Variants in TAFA4 observed in about 807,000 individuals in gnomAD.
TAFA4 encodes the protein TAFA chemokine like family member 4.
In TAFA4, 20 loss-of-function variants were observed where a neutral mutation model predicts 21.1. That is an observed-to-expected ratio of 0.95 (90% CI 0.67 to 1.38). TAFA4 has a LOEUF of 1.38. TAFA4 is among the 40% of genes most tolerant of loss of function. The probability of loss-of-function intolerance (pLI) is 0.00; values close to 1 mark genes in which losing one functional copy is unlikely to be tolerated. For synonymous variants in TAFA4, 71 were observed against 67.4 expected, an observed-to-expected ratio of 1.05 and a Z score of -0.26; for missense variants, 211 against 180.9, an observed-to-expected ratio of 1.17 and a Z score of -0.95.
At chr3:68,747,179 T>G (rs900400876) in intron 4 of TAFA4, among the ~76,000 whole-genome samples, 1 of 152,196 alleles carries the variant, frequency 6.6e-6, no homozygotes, top group Non-Finnish European at 1.5e-5. Context: ...ATTTTATGTC[T>G]TCCTTCCTGC....
chr3:68,747,055 A>T (rs924645565), intron 4 of TAFA4, among the ~76,000 whole-genome samples: 1 of 152,192 alleles, frequency 6.6e-6, no homozygotes, highest in African/African-American at 2.4e-5. Flanking sequence ...AAACTGATCT[A>T]CAGTTTGAAG....
intron 3 of TAFA4, among the ~76,000 whole-genome samples, chr3:68,789,806 C>T (rs1703329809): frequency 6.6e-6 from 1 of 152,106 alleles, no homozygotes; most frequent in African/African-American, 2.4e-5. Flanking sequence ...CATCAGAAAA[C>T]AAAAGAAATG....
At chr3:68,841,623 G>A (rs1032042349) in intron 3 of TAFA4, among the ~76,000 whole-genome samples, 9 of 151,924 alleles carry the variant, frequency 5.9e-5, no homozygotes, top group African/African-American at 1.9e-4. Flanking sequence ...AGGTTTACAC[G>A]TGCCATGGTG....
intron 3 of TAFA4, among the ~76,000 whole-genome samples, chr3:68,812,573 A>G (rs1465902364): frequency 1.3e-5 from 2 of 152,236 alleles, no homozygotes; most frequent in Non-Finnish European, 2.9e-5. Context: ...AAGAAGAGAC[A>G]AAGAAGGCCA....
chr3:68,879,829 C>T (rs1403068090), intron 3 of TAFA4, among the ~76,000 whole-genome samples: 1 of 152,126 alleles, frequency 6.6e-6, no homozygotes, highest in Non-Finnish European at 1.5e-5. Context: ...CCTTTGGAGA[C>T]AGAATTTATA....
At chr3:68,761,667 G>A (rs1702757605) in intron 3 of TAFA4, among the ~76,000 whole-genome samples, 1 of 152,162 alleles carries the variant, frequency 6.6e-6, no homozygotes, top group South Asian at 2.1e-4. Flanking sequence ...TGGATATTTT[G>A]AGCTTATAAT....
At chr3:68,753,337 T>TTTTTTG (rs1702595820) in intron 3 of TAFA4, among the ~76,000 whole-genome samples, 1 of 146,918 alleles carries the variant, frequency 6.8e-6, no homozygotes, top group African/African-American at 2.5e-5. Flanking sequence ...TGATAGAGTT[T>TTTTTTG]TTTTTTTTTT....
At position 68,743,903 on chromosome 3, in the gene TAFA4, T is replaced by C. The variant is rs574616384; in HGVS notation, c.287-4704A>G. ...GGAAGTTCTACATAGAGTTTTACTATACTCATAGTGTTGACCACTCATTCT... is the reference window on the plus strand; with the variant it reads ...GGAAGTTCTACATAGAGTTTTACTACACTCATAGTGTTGACCACTCATTCT... On this transcript the variant is annotated intron_variant, in intron 4 of 5. Coordinates refer to ENST00000295569, the MANE Select transcript of TAFA4 (RefSeq NM_182522.5). 5.4e-4 allele frequency among the ~76,000 whole-genome samples: 82 copies of C among 152,306 alleles called. 2 individuals carry two copies. The highest frequency in any genetic ancestry group is 1.7e-3 in the African/African-American group (72 of 41,568).
Position 68,774,063 on chromosome 3 carries a change from G to C in TAFA4, c.131-21045C>G, listed in dbSNP as rs139272487. On this transcript the variant is annotated intron_variant, in intron 3 of 5. Coordinates refer to ENST00000295569, the MANE Select transcript of TAFA4 (RefSeq NM_182522.5). ...GAGATGAACTACAGCAGTCAAGCTA[G>C]GCCTGGGGGTAGACATTAGAGAGGC... Among the ~76,000 whole-genome samples the C allele has an allele frequency of 8.9e-4, 135 of 152,252 alleles. 2 individuals are homozygous for C. The East Asian group carries it at 0.025, about 28-fold the overall frequency.
intron 1 of TAFA4, among the ~76,000 whole-genome samples, chr3:68,886,572 C>A (rs1294915498): frequency 1.3e-5 from 2 of 152,100 alleles, no homozygotes; most frequent in African/African-American, 2.4e-5. Context: ...ATTTTCTTCA[C>A]ACAAAAGGAA....
chr3:68,776,560 A>G (rs1302588457), intron 3 of TAFA4, among the ~76,000 whole-genome samples: 1 of 152,204 alleles, frequency 6.6e-6, no homozygotes, highest in African/African-American at 2.4e-5. Flanking sequence ...CTACATCCAT[A>G]GTTTGAGATT....
chr3:68,890,066 A>G (rs558827652), intron 1 of TAFA4, among the ~76,000 whole-genome samples: 1 of 152,236 alleles, frequency 6.6e-6, no homozygotes, highest in South Asian at 2.1e-4. Flanking sequence ...AAGAAAATGC[A>G]CTTGTTATTA....
intron 3 of TAFA4, among the ~76,000 whole-genome samples, chr3:68,812,918 C>G (rs1229545197): frequency 6.6e-6 from 1 of 152,112 alleles, no homozygotes; most frequent in Admixed American, 6.6e-5. Flanking sequence ...TGACCACATA[C>G]TTGGAAGTAA....
chr3:68,746,224 T>TTCC (rs1702455985), intron 4 of TAFA4, among the ~76,000 whole-genome samples: 1 of 152,160 alleles, frequency 6.6e-6, no homozygotes, highest in Non-Finnish European at 1.5e-5. Context: ...GTTTTGGGTC[T>TTCC]AGGACTGGCT....
chr3:68,837,587 G>T (rs939072361), intron 3 of TAFA4, among the ~76,000 whole-genome samples: 6 of 152,130 alleles, frequency 3.9e-5, no homozygotes, highest in African/African-American at 1.4e-4. Flanking sequence ...CTGATTCAAT[G>T]AATCAGAGGT....
intron 3 of TAFA4, among the ~76,000 whole-genome samples, chr3:68,822,838 C>G (rs115286723): frequency 0.011 from 1,750 of 152,222 alleles, 21 homozygotes; most frequent in Middle Eastern, 0.027. Flanking sequence ...TTAATTTTAC[C>G]TTCACCACTC....
rs200193931 is a variant in TAFA4 at position 68,819,281 on chromosome 3, A to T, written c.130+61449T>A. 4.4e-3 allele frequency among the ~76,000 whole-genome samples: 651 copies of T among 146,536 alleles called. 5 individuals carry two copies. Among genetic ancestry groups the T allele is most frequent in the East Asian group, 0.02 (99 of 4,858 alleles). ...TGAGACCCTGTCTTTAATTAAAAAA[A>T]AAAAAAAAAAAAAAAAAAGCATCTG... is the stretch of plus-strand genomic sequence containing the variant. On this transcript the variant is annotated intron_variant, in intron 3 of 5. Transcript: ENST00000295569.
At chr3:68,741,268 C>T (rs1275396079) in intron 4 of TAFA4, among the ~76,000 whole-genome samples, 3 of 152,128 alleles carry the variant, frequency 2.0e-5, no homozygotes, top group Non-Finnish European at 4.4e-5. Flanking sequence ...AATCCACGAA[C>T]ACAGGATATT....
chr3:68,785,881 A>G (rs2106804895), intron 3 of TAFA4, among the ~76,000 whole-genome samples: 1 of 152,370 alleles, frequency 6.6e-6, no homozygotes, highest in Non-Finnish European at 1.5e-5. Context: ...TGTTAAATGC[A>G]CACCCTCTTT....
Sources: allele counts gnomAD v4.1 joint callset (sites outside exome capture counted in the v4.1 genomes callset), GRCh38; gene constraint gnomAD v4.1.1; transcripts MANE v1.5; gene names NCBI Gene and HGNC (gene_info 2026-07-23, HGNC 2026-07-21).